Variants in TARDBP observed in about 807,000 individuals in gnomAD.
The protein encoded by TARDBP is TAR DNA binding protein, also known as TAR DNA-binding protein 43.
Under a neutral mutation model 38.3 loss-of-function variants are expected in TARDBP, and 4 were observed. The observed-to-expected ratio is 0.10, with a 90% confidence interval of 0.05 to 0.24. The LOEUF (loss-of-function observed/expected upper bound fraction) is 0.24. Among genes scored for constraint, TARDBP ranks in the 10% least tolerant of loss-of-function variants. The pLI is 1.00. For missense variants in TARDBP, 202 were observed against 521.9 expected (o/e 0.39, Z 5.97); for synonymous variants, 184 against 183.8 (o/e 1.00, Z -0.01).
downstream of TARDBP, chr1:11,026,007 C>T (rs1643726437): frequency 6.5e-6 from 1 of 153,020 alleles, no homozygotes; most frequent in Non-Finnish European, 1.5e-5. Context: ...AGGAAAAATA[C>T]AGATTTCTCT....
intron 1 of TARDBP, among the ~76,000 whole-genome samples, chr1:11,013,184 C>A (rs1036355185): frequency 6.6e-5 from 10 of 152,236 alleles, no homozygotes; most frequent in African/African-American, 2.4e-4. Flanking sequence ...CTCGCAGAGC[C>A]CCCGGAAGCC....
chr1:11,027,762 T>C (rs1245408013), downstream of TARDBP: 1 of 1,140,306 alleles, frequency 8.8e-7, no homozygotes, highest in Non-Finnish European at 1.2e-6. Context: ...TTATATTACA[T>C]GAATTGGTGG....
chr1:11,027,718 C>T (rs576419375), downstream of TARDBP: 199 of 1,486,882 alleles, frequency 1.3e-4, no homozygotes, highest in African/African-American at 2.0e-3. Context: ...AAATTATGAC[C>T]GCCTTGAAGT....
At chr1:11,026,932 CTT>C (rs775338836), downstream of TARDBP, 46 of 1,512,170 alleles carry the variant, frequency 3.0e-5, no homozygotes, top group African/African-American at 5.6e-4. Context: ...TAGTTAATAA[CTT>C]TTGTGTAGAC....
rs1055972910 is a variant in TARDBP, at chr1:11,013,641, G to T, written c.-12-75G>T. On this transcript the variant is annotated intron_variant, in intron 1 of 5. Coordinates refer to ENST00000240185, the MANE Select transcript of TARDBP (RefSeq NM_007375.4). ...TTCTGGAAGTCAGAACTCTGACATGGTTTGGGTATTATCATTATAAGGAAA... is the reference window on the plus strand; with the variant it reads ...TTCTGGAAGTCAGAACTCTGACATGTTTTGGGTATTATCATTATAAGGAAA... 1.5e-5 allele frequency: 19 copies of T among 1,241,354 alleles called. No individual in the cohort carries two copies. In the African/African-American group the frequency reaches 2.5e-4, roughly 17 times the overall value. The allele number at this position is 1,241,354 out of a possible 1,614,324, so 76.9% of individuals were successfully genotyped here. A position where few individuals can be genotyped will look rare whatever the true frequency, so the allele number is the denominator to read the frequency against.
rs1643679977 is a variant in TARDBP, at chr1:11,023,533, A to G, written c.*879A>G. 2.2e-6 allele frequency: 1 copy of G among 451,142 alleles called. No individual in the cohort carries two copies. The highest frequency in any genetic ancestry group is 3.9e-6 in the Non-Finnish European group (1 of 254,908). The allele number at this position is 451,142 out of a possible 1,614,324, so 27.9% of individuals were successfully genotyped here. On this transcript the variant is annotated 3_prime_UTR_variant, in exon 6 of 6. Transcript: ENST00000240185. ...AGAGACTTGGTGGTGCATAATGGAT[A>G]TTTTTTAACTTGGCGAGATGTGTCT...
In TARDBP at chr1:11,016,649, C is replaced by G. The variant is rs377432150; in HGVS notation, c.239-195C>G. Reference sequence around the variant, plus strand: ...AAACTTGGAAATCACTGAATTTGCACCAGAAAAGCACCTCAGACACTAAAC... The same window carrying G: ...AAACTTGGAAATCACTGAATTTGCAGCAGAAAAGCACCTCAGACACTAAAC... On this transcript the variant is annotated intron_variant, in intron 2 of 5. Coordinates refer to ENST00000240185, the MANE Select transcript of TARDBP (RefSeq NM_007375.4). Among the ~76,000 whole-genome samples the G allele has an allele frequency of 3.3e-5, 5 of 152,300 alleles. 1 individual carries two copies. The highest frequency in any genetic ancestry group is 1.2e-4 in the African/African-American group (5 of 41,572).
In TARDBP at chr1:11,022,032, A is replaced by T; in HGVS notation, c.715-92A>T. 6.8e-7 allele frequency: 1 copy of T among 1,465,674 alleles called. No homozygotes were observed. The highest frequency in any genetic ancestry group is 1.2e-5 in the South Asian group (1 of 85,350). The allele number at this position is 1,465,674 out of a possible 1,614,324, so 90.8% of individuals were successfully genotyped here. On this transcript the variant is annotated intron_variant, in intron 5 of 5. Coordinates refer to ENST00000240185, the MANE Select transcript of TARDBP (RefSeq NM_007375.4). This position sits in a 1 kb window ranked among gnomAD's most constrained non-coding sequence, Gnocchi z 4.5. ...GCTTATTTTTCCTCTGGCTTTAGAT[A>T]AATTAATGCTTGTAATCTAAGTTTT...
chr1:11,020,710 A>G (rs1570722336), intron 5 of TARDBP, 111 bp downstream of exon 5: 1 of 1,142,966 alleles, frequency 8.7e-7, no homozygotes, highest in Non-Finnish European at 1.3e-6. Context: ...GATCAAGACC[A>G]TCCTGGCCAA....
downstream of TARDBP, chr1:11,025,834 C>CAAGAGATAAT (rs1643723025): frequency 6.5e-6 from 1 of 154,720 alleles, no homozygotes; most frequent in African/African-American, 2.4e-5. Flanking sequence ...TTAACTACTC[C>CAAGAGATAAT]GTAATCCAAG....
downstream of TARDBP, chr1:11,027,526 A>G (rs369045722): frequency 4.3e-6 from 7 of 1,614,066 alleles, no homozygotes; most frequent in African/African-American, 4.0e-5. Context: ...CAGTTGTCAT[A>G]TAAAAGTGCA....
At chr1:11,028,217 CA>C (rs1553160445), downstream of TARDBP, among the ~76,000 whole-genome samples, 9 of 145,092 alleles carry the variant, frequency 6.2e-5, no homozygotes, top group South Asian at 2.2e-4. Context: ...AACTCCATCT[CA>C]AAAAAAAAAG....
At position 11,023,383 on chromosome 1, in the gene TARDBP, C is replaced by A; in HGVS notation, c.*729C>A. On this transcript the variant is annotated 3_prime_UTR_variant, in exon 6 of 6. Transcript: ENST00000240185. The stretch of plus-strand genomic sequence containing the variant: ...TTTATTTCATGGAGTCGTATCAACG[C>A]TATGAACGCAAGGCTGTGATATGGA... The A allele has an allele frequency of 2.0e-6, 2 of 976,322 alleles. No individual in the cohort carries two copies. Among genetic ancestry groups the A allele is most frequent in the South Asian group, 1.6e-5 (1 of 63,286 alleles). 60.5% of individuals were successfully genotyped at this position (976,322 alleles called of 1,614,324 possible).
rs1183150403 is a variant in TARDBP, at chr1:11,022,909, A to G, written c.*255A>G. The G allele has an allele frequency of 1.0e-5, 14 of 1,365,676 alleles. No individual in the cohort carries two copies. In the East Asian group the frequency reaches 3.8e-4, roughly 37 times the overall value. 84.6% of individuals were successfully genotyped at this position (1,365,676 alleles called of 1,614,324 possible). A position where few individuals can be genotyped will look rare whatever the true frequency, so the allele number is the denominator to read the frequency against. On this transcript the variant is annotated 3_prime_UTR_variant, in exon 6 of 6. Transcript: ENST00000240185. This position sits in a 1 kb window ranked among gnomAD's most constrained non-coding sequence, Gnocchi z 4.5. ...GAACTGCTGTTTGCCTGATTGGTAA[A>G]CCAACACACTACAATTGATATCAAA...
downstream of TARDBP, chr1:11,026,780 A>G: frequency 1.0e-6 from 1 of 961,400 alleles, no homozygotes; most frequent in Non-Finnish European, 1.5e-6. Flanking sequence ...TGGAGCAACA[A>G]CTGCCATGTC....
At chr1:11,018,978 A>G (rs2100849203) in intron 4 of TARDBP, 105 bp downstream of exon 4, 7 of 1,530,136 alleles carry the variant, frequency 4.6e-6, no homozygotes, top group Non-Finnish European at 5.4e-6. Context: ...GGGTGTGTTC[A>G]TGAAATCCTT....
intron 3 of TARDBP, chr1:11,018,337 T>C: frequency 3.9e-6 from 1 of 258,940 alleles, no homozygotes; most frequent in Non-Finnish European, 7.6e-6. Context: ...TACAGGTGCA[T>C]GCCACTACAC....
At chr1:11,016,221 G>C (rs1320283312) in intron 2 of TARDBP, 1 of 153,616 alleles carries the variant, frequency 6.5e-6, no homozygotes, top group Non-Finnish European at 1.4e-5. Flanking sequence ...TTACAAGTGT[G>C]AGCCACCGCG....
rs992739427 is a variant in TARDBP, at chr1:11,022,064, A to G, written c.715-60A>G. 1 of 1,593,210 alleles carries G rather than the reference A, an allele frequency of 6.3e-7. No homozygotes were observed. The highest frequency in any genetic ancestry group is 8.6e-7 in the Non-Finnish European group (1 of 1,162,146). On this transcript the variant is annotated intron_variant, in intron 5 of 5. Transcript: ENST00000240185. The surrounding 1 kb of genome is among the most constrained non-coding windows in gnomAD (Gnocchi z 4.5). ...TGCTTGTAATCTAAGTTTTGTTGCT[A>G]CTTTAAATATATGAATCAGTGGTTT...
Sources: allele counts gnomAD v4.1 joint callset (sites outside exome capture counted in the v4.1 genomes callset), GRCh38; gene constraint gnomAD v4.1.1; non-coding constraint Gnocchi (gnomAD v3.1); transcripts MANE v1.5; gene names NCBI Gene and HGNC (gene_info 2026-07-23, HGNC 2026-07-21).